Variants in GRK1 observed in about 807,000 individuals in gnomAD.
GRK1 encodes G protein-coupled receptor kinase 1, also known as rhodopsin kinase GRK1.
GRK1 carries 28 observed loss-of-function variants against 41.7 expected under a neutral mutation model. That is an observed-to-expected ratio of 0.67 (90% CI 0.50 to 0.92). GRK1 has a LOEUF of 0.92. Ranked by LOEUF, GRK1 falls within the 40% of genes least tolerant of loss-of-function variation. The pLI, the probability that GRK1 is intolerant of heterozygous loss-of-function variation, is 0.00. For synonymous variants in GRK1, 327 were observed against 286.7 expected (o/e 1.14, Z -1.42); for missense variants, 703 against 671.2 (o/e 1.05, Z -0.52).
intron 6 of GRK1, among the ~76,000 whole-genome samples, chr13:113,734,110 C>G (rs751661519): frequency 6.6e-6 from 1 of 152,184 alleles, no homozygotes; most frequent in Admixed American, 6.5e-5. Flanking sequence ...GCATCTGAGA[C>G]ACAGCCATAC....
At chr13:113,657,313 C>T in the GRK1 span, among the ~76,000 whole-genome samples, 24,480 of 152,198 alleles carry the variant, frequency 0.16, 2,134 homozygotes, top group Admixed American at 0.22. Flanking sequence ...GCCCAGGGGT[C>T]GCAGGGGGAG....
chr13:113,733,538 CATGCGTGT>C (rs2049955013), intron 6 of GRK1, among the ~76,000 whole-genome samples: 1 of 145,606 alleles, frequency 6.9e-6, no homozygotes, highest in South Asian at 2.2e-4. Context: ...CGCGTGTGTG[CATGCGTGT>C]GCGCGCACGT....
intron 3 of GRK1, among the ~76,000 whole-genome samples, chr13:113,672,733 T>G (rs2049865355): frequency 1.3e-5 from 1 of 74,420 alleles, no homozygotes; most frequent in Admixed American, 1.5e-4. Context: ...TTTGCCAATA[T>G]TGTGTCTATT....
intron 4 of GRK1, among the ~76,000 whole-genome samples, chr13:113,727,439 CGTGGGCTGTGGACAGCAGCCTGTGGACT>C (rs1313443074): frequency 1.3e-5 from 2 of 151,620 alleles, no homozygotes; most frequent in Admixed American, 6.6e-5. Context: ...GCCTGTGGAC[CGTGGGCTGTGGACAGCAGCCTGTGGACT>C]GTGGGCTGTG....
chr13:113,670,271 G>C (rs569738188), intron 2 of GRK1, among the ~76,000 whole-genome samples: 15 of 152,160 alleles, frequency 9.9e-5, no homozygotes, highest in Non-Finnish European at 1.9e-4. Flanking sequence ...AGGTGGCGCT[G>C]CCTCCACAAA....
chr13:113,728,433 G>A lies in GRK1; in HGVS notation c.1070-2786G>A, dbSNP rs540675828. ...CATGGTGATGAGGAGTACCCATGGC[G>A]ATGAGGAGTACCCATGGCGAGGAGT... On this transcript the variant is annotated intron_variant, in intron 4 of 6. Transcript: ENST00000335678. Among the ~76,000 whole-genome samples, 1,086 of 148,516 alleles carry A rather than the reference G, an allele frequency of 7.3e-3. 6 individuals carry two copies. Among genetic ancestry groups the A allele is most frequent in the Non-Finnish European group, 0.012 (798 of 67,060 alleles).
upstream of GRK1, among the ~76,000 whole-genome samples, chr13:113,666,574 C>T (rs567479091): frequency 3.9e-5 from 6 of 152,210 alleles, no homozygotes; most frequent in South Asian, 2.1e-4. Context: ...ATTCCATATG[C>T]GTCCCTCTGA....
At chr13:113,654,323 G>A in the GRK1 span, among the ~76,000 whole-genome samples, 2 of 152,244 alleles carry the variant, frequency 1.3e-5, no homozygotes, top group Non-Finnish European at 2.9e-5. Context: ...TGTGGCCTCT[G>A]ACGACTCGGA....
chr13:113,734,344 A>C (rs2049986931), intron 6 of GRK1: 1 of 152,358 alleles, frequency 6.6e-6, no homozygotes, highest in African/African-American at 2.4e-5. Flanking sequence ...GGGTCACAGG[A>C]TGAGGAGGGG....
At position 113,671,404 on chromosome 13, in the gene GRK1, C is replaced by G. The variant is rs2049855774; in HGVS notation, c.828-95C>G. ...GGCCTCAAAACGACCAGAACGCTGG[C>G]CGAGAGACATGGTTCTGAGGCCCCA... is the stretch of plus-strand genomic sequence containing the variant. On this transcript the variant is annotated intron_variant, in intron 2 of 6. Coordinates refer to ENST00000335678, the MANE Select transcript of GRK1 (RefSeq NM_002929.3). The surrounding 1 kb of genome is among the most constrained non-coding windows in gnomAD (Gnocchi z 4.1). 2.7e-6 allele frequency: 2 copies of G among 750,954 alleles called. No individual in the cohort carries two copies. Among genetic ancestry groups the G allele is most frequent in the East Asian group, 4.9e-5 (2 of 40,870 alleles). The allele number at this position is 750,954 out of a possible 1,614,324, so 46.5% of individuals were successfully genotyped here. A position where few individuals can be genotyped will look rare whatever the true frequency, so the allele number is the denominator to read the frequency against.
chr13:113,661,357 A>C, the GRK1 span, among the ~76,000 whole-genome samples: 1 of 152,138 alleles, frequency 6.6e-6, no homozygotes, highest in Non-Finnish European at 1.5e-5. Flanking sequence ...TATTAAGAGG[A>C]AAATTTATAG....
At chr13:113,663,286 T>C (rs558199314), upstream of GRK1, among the ~76,000 whole-genome samples, 3 of 152,330 alleles carry the variant, frequency 2.0e-5, no homozygotes, top group African/African-American at 7.2e-5. Flanking sequence ...TGGATATCCA[T>C]TGGCCAAAGG....
At chr13:113,650,552 G>A in the GRK1 span, 3 of 1,518,610 alleles carry the variant, frequency 2.0e-6, no homozygotes, top group Non-Finnish European at 2.7e-6. This position sits in a 1 kb window ranked among gnomAD's most constrained non-coding sequence, Gnocchi z 5.0. Context: ...GAGCTGGTGT[G>A]TGCCGGTGTC....
At chr13:113,653,571 A>G in the GRK1 span, 1 of 671,856 alleles carries the variant, frequency 1.5e-6, no homozygotes, top group Middle Eastern at 4.1e-4. Context: ...TCTGCAGCAC[A>G]GGAAGGAAGG....
the GRK1 span, among the ~76,000 whole-genome samples, chr13:113,650,122 G>A: frequency 6.6e-6 from 1 of 150,974 alleles, no homozygotes; most frequent in African/African-American, 2.4e-5. This position sits in a 1 kb window ranked among gnomAD's most constrained non-coding sequence, Gnocchi z 5.0. Flanking sequence ...AAGATGCTAA[G>A]ATTGCATTGC....
In GRK1 at chr13:113,669,749, C is replaced by T. The variant is rs746609394; in HGVS notation, c.762C>T (p.Ala254=). ...KVHSRFIVSL[A]YAFETKADLC... ...ACAGCAGGTTCATCGTGTCTCTGGC[C>T]TATGCGTTTGAAACCAAAGCCGACC... The change falls in exon 2 of 7, where the codon GCC becomes GCT. Residue 254 remains alanine (A), a synonymous_variant. Transcript: ENST00000335678. 1.2e-6 allele frequency: 2 copies of T among 1,613,986 alleles called. No individual in the cohort carries two copies. Among genetic ancestry groups the T allele is most frequent in the South Asian group, 1.1e-5 (1 of 91,078 alleles).
rs1444409927 is a variant in GRK1 at position 113,732,957 on chromosome 13, G to C, written c.1268G>C (p.Ser423Thr). 6.5e-7 allele frequency: 1 copy of C among 1,537,048 alleles called. No individual in the cohort carries two copies. Residue 423 changes from serine to threonine, a missense_variant, in exon 6 of 7, where the codon AGC becomes ACC. Coordinates refer to ENST00000335678, the MANE Select transcript of GRK1 (RefSeq NM_002929.3). ...VKYPDKFSQA[S>T]KDFCEALLEK... is the part of the protein sequence containing the mutation. ...TACCCTGATAAGTTCAGCCAGGCCA[G>C]CAAGGACTTCTGCGAGGCGCTGCTG...
chr13:113,649,850 G>A, the GRK1 span, among the ~76,000 whole-genome samples: 1 of 152,156 alleles, frequency 6.6e-6, no homozygotes, highest in Non-Finnish European at 1.5e-5. The surrounding 1 kb of genome is among the most constrained non-coding windows in gnomAD (Gnocchi z 4.7). Context: ...ATATGCAGTT[G>A]TTTTAGAGGA....
chr13:113,733,595 G>GCA, intron 6 of GRK1, among the ~76,000 whole-genome samples: 1 of 150,960 alleles, frequency 6.6e-6, no homozygotes, highest in East Asian at 1.9e-4. Context: ...ACGTGTGTGT[G>GCA]CATGTGTGCG....
Sources: allele counts gnomAD v4.1 joint callset (sites outside exome capture counted in the v4.1 genomes callset), GRCh38; gene constraint gnomAD v4.1.1; non-coding constraint Gnocchi (gnomAD v3.1); transcripts MANE v1.5; gene names NCBI Gene and HGNC (gene_info 2026-07-23, HGNC 2026-07-21).